The following STAG1 variants were observed in gnomAD, a reference collection of about 807,000 sequenced individuals.
STAG1 encodes the protein STAG1 cohesin complex component, also known as cohesin subunit SA-1.
In STAG1, 26 loss-of-function variants were observed where a neutral mutation model predicts 170.9. That is an observed-to-expected ratio of 0.15 (90% CI 0.11 to 0.21). STAG1 has a LOEUF of 0.21. Ranked by LOEUF, STAG1 falls within the 10% of genes least tolerant of loss-of-function variation. STAG1 has a pLI of 1.00. For missense variants in STAG1, 964 were observed against 1,509.5 expected (o/e 0.64, Z 5.99); for synonymous variants, 514 against 497.7 (o/e 1.03, Z -0.44).
At chr3:136,742,987 A>G (rs989192078) in intron 1 of STAG1, among the ~76,000 whole-genome samples, 1 of 152,202 alleles carries the variant, frequency 6.6e-6, no homozygotes, top group Non-Finnish European at 1.5e-5. Context: ...GCAGAAACCA[A>G]TGAGATACTA....
chr3:136,511,699 T>C (rs957512343), intron 7 of STAG1, among the ~76,000 whole-genome samples: 1 of 152,186 alleles, frequency 6.6e-6, no homozygotes, highest in African/African-American at 2.4e-5. Flanking sequence ...TAATGGGTAC[T>C]AGGCTTAATA....
At chr3:136,641,446 T>C (rs1411803245) in intron 1 of STAG1, among the ~76,000 whole-genome samples, 4 of 152,310 alleles carry the variant, frequency 2.6e-5, no homozygotes. Context: ...CAGTTAACAC[T>C]GCTAATAGTG....
chr3:136,558,533 T>C (rs1300131808), intron 5 of STAG1, among the ~76,000 whole-genome samples: 1 of 152,220 alleles, frequency 6.6e-6, no homozygotes, highest in Non-Finnish European at 1.5e-5. Context: ...GTAGTCCATC[T>C]CAATAGTACT....
intron 5 of STAG1, among the ~76,000 whole-genome samples, chr3:136,551,368 C>G (rs927457993): frequency 8.0e-5 from 12 of 150,436 alleles, no homozygotes; most frequent in Non-Finnish European, 1.0e-4. Context: ...CTACCTCAAC[C>G]TCTCCCACCT....
chr3:136,550,750 C>T (rs895764071), intron 5 of STAG1, among the ~76,000 whole-genome samples: 10 of 150,232 alleles, frequency 6.7e-5, no homozygotes, highest in Non-Finnish European at 1.2e-4. Context: ...GGGACATCAT[C>T]TTTAAAGTCT....
At chr3:136,736,762 T>C in intron 1 of STAG1, 2 of 1,600,320 alleles carry the variant, frequency 1.2e-6, no homozygotes, top group Non-Finnish European at 1.7e-6. Context: ...TCATTGTCTG[T>C]TTATATACAG....
intron 3 of STAG1, among the ~76,000 whole-genome samples, chr3:136,610,195 C>T (rs1939199356): frequency 6.6e-6 from 1 of 152,086 alleles, no homozygotes; most frequent in African/African-American, 2.4e-5. Context: ...CGCCACCACT[C>T]CCAGCTAATC....
At chr3:136,726,831 A>G (rs1312776857) in intron 1 of STAG1, among the ~76,000 whole-genome samples, 1 of 152,126 alleles carries the variant, frequency 6.6e-6, no homozygotes, top group Non-Finnish European at 1.5e-5. Flanking sequence ...CACCCTACAT[A>G]ATCCAGACTC....
intron 28 of STAG1, among the ~76,000 whole-genome samples, chr3:136,350,972 G>A (rs1936413321): frequency 6.6e-6 from 1 of 152,110 alleles, no homozygotes; most frequent in South Asian, 2.1e-4. Flanking sequence ...AGTCAATCCT[G>A]GGAGTTGGAT....
At chr3:136,586,974 C>T (rs1195472869) in intron 4 of STAG1, 1 of 438,588 alleles carries the variant, frequency 2.3e-6, no homozygotes, top group East Asian at 7.0e-5. Flanking sequence ...ATTCCTGAAT[C>T]ATCCTATGAA....
chr3:136,526,989 TG>T (rs940487032), intron 6 of STAG1, among the ~76,000 whole-genome samples: 3 of 152,210 alleles, frequency 2.0e-5, no homozygotes, highest in Non-Finnish European at 4.4e-5. Context: ...CTTCCCTTTG[TG>T]GGTAACCCGA....
At chr3:136,377,195 C>T (rs889919440) in intron 23 of STAG1, among the ~76,000 whole-genome samples, 4 of 147,986 alleles carry the variant, frequency 2.7e-5, no homozygotes, top group African/African-American at 4.9e-5. Context: ...GTCAGGAGAT[C>T]GAGACCATGG....
intron 6 of STAG1, among the ~76,000 whole-genome samples, chr3:136,531,744 A>G (rs1361650144): frequency 8.2e-6 from 1 of 121,712 alleles, no homozygotes; most frequent in Non-Finnish European, 1.6e-5. Context: ...GGAATATCAC[A>G]CTCTGGGGAC....
At chr3:136,620,502 TGACC>T (rs1939794370) in intron 3 of STAG1, among the ~76,000 whole-genome samples, 1 of 152,256 alleles carries the variant, frequency 6.6e-6, no homozygotes, top group African/African-American at 2.4e-5. Context: ...ACTTGCTGTG[TGACC>T]TTAGGCAAAT....
chr3:136,438,890 G>A (rs2088540955), intron 15 of STAG1, among the ~76,000 whole-genome samples: 1 of 152,104 alleles, frequency 6.6e-6, no homozygotes, highest in East Asian at 1.9e-4. Context: ...AATAACCAAA[G>A]AAGATTATCT....
intron 7 of STAG1, among the ~76,000 whole-genome samples, chr3:136,520,694 C>T (rs1238448301): frequency 1.3e-5 from 2 of 151,988 alleles, no homozygotes; most frequent in African/African-American, 4.8e-5. Context: ...CTACAGCCTA[C>T]CTTAAGAACT....
chr3:136,587,555 A>T (rs2107787448), intron 4 of STAG1, among the ~76,000 whole-genome samples: 1 of 151,938 alleles, frequency 6.6e-6, no homozygotes, highest in Middle Eastern at 3.4e-3. Flanking sequence ...AAAAAAAAAA[A>T]AAAAAAGCAA....
At chr3:136,617,851 T>G (rs1292320385) in intron 3 of STAG1, among the ~76,000 whole-genome samples, 1 of 152,198 alleles carries the variant, frequency 6.6e-6, no homozygotes, top group African/African-American at 2.4e-5. Context: ...AAAAAAAACT[T>G]TGGAATTTGA....
At chr3:136,622,135 T>TAAAAAAAAAAAAA (rs75542452) in intron 3 of STAG1, among the ~76,000 whole-genome samples, 1 of 92,812 alleles carries the variant, frequency 1.1e-5, no homozygotes, top group African/African-American at 4.6e-5. Flanking sequence ...CCATCTCTAC[T>TAAAAAAAAAAAAA]AAAAAAAAAA....
Sources: allele counts gnomAD v4.1 joint callset (sites outside exome capture counted in the v4.1 genomes callset), GRCh38; gene constraint gnomAD v4.1.1; transcripts MANE v1.5; gene names NCBI Gene and HGNC (gene_info 2026-07-23, HGNC 2026-07-21).